Variants in CADPS observed in about 807,000 individuals in gnomAD.
CADPS encodes calcium-dependent secretion activator 1.
A neutral mutation model predicts 167.3 loss-of-function variants in CADPS; 57 were observed. That is an observed-to-expected ratio of 0.34 (90% CI 0.28 to 0.42). The LOEUF is 0.42. CADPS is among the 20% of genes least tolerant of loss of function. The pLI is 1.00. For synonymous variants in CADPS, 676 were observed against 635.3 expected, an observed-to-expected ratio of 1.06 and a Z score of -0.96; for missense variants, 1,414 against 1,738.1, an observed-to-expected ratio of 0.81 and a Z score of 3.32.
At chr3:62,618,923 T>C (rs2062750359) in intron 6 of CADPS, among the ~76,000 whole-genome samples, 1 of 152,220 alleles carries the variant, frequency 6.6e-6, no homozygotes, top group South Asian at 2.1e-4. Flanking sequence ...GCTAACAGTC[T>C]GGATTGTTGT....
chr3:62,864,890 T>C (rs955116976), intron 1 of CADPS, among the ~76,000 whole-genome samples: 1 of 152,194 alleles, frequency 6.6e-6, no homozygotes, highest in Non-Finnish European at 1.5e-5. Context: ...TCAACCAGAT[T>C]GCTAGGTTCC....
intron 8 of CADPS, among the ~76,000 whole-genome samples, chr3:62,573,495 C>T (rs2081676044): frequency 6.6e-6 from 1 of 152,144 alleles, no homozygotes; most frequent in South Asian, 2.1e-4. Context: ...GGACAAAGTC[C>T]AGCATCTTGA....
At chr3:62,766,060 G>A in intron 1 of CADPS, 76 bp from the exon 2 acceptor site, 1 of 1,033,474 alleles carries the variant, frequency 9.7e-7, no homozygotes. Context: ...TGCTGAAGAT[G>A]CCAGACCCAT....
intron 20 of CADPS, among the ~76,000 whole-genome samples, chr3:62,491,757 C>T (rs1275022623): frequency 6.6e-6 from 1 of 152,034 alleles, no homozygotes; most frequent in Non-Finnish European, 1.5e-5. Context: ...ACAACAGAAA[C>T]AACAATCCAC....
At chr3:62,535,840 A>G (rs1332226652) in intron 12 of CADPS, among the ~76,000 whole-genome samples, 1 of 152,140 alleles carries the variant, frequency 6.6e-6, no homozygotes, top group Non-Finnish European at 1.5e-5. Flanking sequence ...ATTTCAGGAA[A>G]TATTGATACT....
In CADPS at chr3:62,435,962, TATTAATTA is replaced by T. The variant is rs71901508; in HGVS notation, c.3777+2134_3777+2141del. Reference sequence around the variant, plus strand: ...ATATTTCTTTTTACTATTAATTTACTATTAATTAATTAATTAATTAATTAAAGGCTGGA... The same window carrying T: ...ATATTTCTTTTTACTATTAATTTACTATTAATTAATTAATTAAAGGCTGGA... On this transcript the variant is annotated intron_variant, in intron 28 of 29. Coordinates refer to ENST00000383710, the MANE Select transcript of CADPS (RefSeq NM_003716.4). 5.6e-4 allele frequency among the ~76,000 whole-genome samples: 85 copies of T among 151,246 alleles called. 1 individual carries two copies. The highest frequency in any genetic ancestry group is 1.9e-3 in the African/African-American group (78 of 41,158).
At chr3:62,699,154 C>A (rs1333411355) in intron 3 of CADPS, among the ~76,000 whole-genome samples, 3 of 152,000 alleles carry the variant, frequency 2.0e-5, no homozygotes, top group African/African-American at 7.3e-5. Context: ...TCCATCGTAT[C>A]ATTCTCATGC....
chr3:62,827,697 A>G (rs182453272), intron 1 of CADPS, among the ~76,000 whole-genome samples: 23 of 152,272 alleles, frequency 1.5e-4, no homozygotes, highest in African/African-American at 5.5e-4. Flanking sequence ...GAGTTGGGAG[A>G]ACCAGAAGCC....
rs1177593903 is a variant in CADPS, at chr3:62,602,787, G to A, written c.1326-10039C>T. ...TCTCCAGGAGTCTGAGATCAAATGT[G>A]TCCAAACCTCAGCTTGATCTCTTCT... On this transcript the variant is annotated intron_variant, in intron 6 of 29. Coordinates refer to ENST00000383710, the MANE Select transcript of CADPS (RefSeq NM_003716.4). The surrounding 1 kb of genome is among the most constrained non-coding windows in gnomAD (Gnocchi z 4.4). Among the ~76,000 whole-genome samples, 1 of 152,096 alleles carries A rather than the reference G, an allele frequency of 6.6e-6. No homozygotes were observed. The highest frequency in any genetic ancestry group is 1.5e-5 in the Non-Finnish European group (1 of 68,018).
rs1261664084 is a variant in CADPS at position 62,420,161 on chromosome 3, C to T, written c.3778-16976G>A. ...TACATTAAACCACACAGCTGGTTTC[C>T]AAGCAGATAGTGAAAGGACACAAAT... On this transcript the variant is annotated intron_variant, in intron 28 of 29. Coordinates refer to ENST00000383710, the MANE Select transcript of CADPS (RefSeq NM_003716.4). The surrounding 1 kb of genome is among the most constrained non-coding windows in gnomAD (Gnocchi z 4.1). 1.3e-5 allele frequency among the ~76,000 whole-genome samples: 2 copies of T among 152,074 alleles called. No individual in the cohort carries two copies. Among genetic ancestry groups the T allele is most frequent in the Admixed American group, 6.6e-5 (1 of 15,258 alleles).
At chr3:62,536,670 A>C (rs1386944668) in intron 11 of CADPS, 89 bp from the exon 12 acceptor site, 2 of 1,320,398 alleles carry the variant, frequency 1.5e-6, no homozygotes, top group Non-Finnish European at 2.2e-6. Context: ...AATTCACTAG[A>C]CATTATGAAC....
At chr3:62,688,285 G>A (rs143513140) in intron 3 of CADPS, among the ~76,000 whole-genome samples, 42 of 152,084 alleles carry the variant, frequency 2.8e-4, no homozygotes, top group African/African-American at 9.2e-4. Flanking sequence ...ATTGGCAAAT[G>A]TCCCCTAGGG....
intron 3 of CADPS, among the ~76,000 whole-genome samples, chr3:62,749,782 C>A (rs552319025): frequency 2.0e-5 from 3 of 152,168 alleles, no homozygotes; most frequent in Admixed American, 6.5e-5. Flanking sequence ...CCTGCCTATG[C>A]AGACTTCATA....
Position 62,874,388 on chromosome 3 carries a change from G to T in CADPS, c.441+201C>A, listed in dbSNP as rs1395076076. On this transcript the variant is annotated intron_variant, in intron 1 of 29. Transcript: ENST00000383710. The surrounding 1 kb of genome is among the most constrained non-coding windows in gnomAD (Gnocchi z 7.1). ...CCGCGGCCCTCGCCGGTCCCAGTCA[G>T]CTCCAGGAGCGCTCCAGGCTGGGTT... Among the ~76,000 whole-genome samples the T allele has an allele frequency of 2.0e-5, 3 of 152,142 alleles. No individual in the cohort carries two copies. The highest frequency in any genetic ancestry group is 7.2e-5 in the African/African-American group (3 of 41,466).
chr3:62,706,824 G>C (rs544296027), intron 3 of CADPS, among the ~76,000 whole-genome samples: 1 of 152,068 alleles, frequency 6.6e-6, no homozygotes, highest in Non-Finnish European at 1.5e-5. Context: ...ATATCCAAGA[G>C]TGGAATAATT....
Position 62,433,349 on chromosome 3 carries a change from G to A in CADPS, c.3777+4755C>T, listed in dbSNP as rs2054351009. Among the ~76,000 whole-genome samples, 1 of 152,068 alleles carries A rather than the reference G, an allele frequency of 6.6e-6. No individual in the cohort carries two copies. Among genetic ancestry groups the A allele is most frequent in the East Asian group, 1.9e-4 (1 of 5,182 alleles). On this transcript the variant is annotated intron_variant, in intron 28 of 29. Coordinates refer to ENST00000383710, the MANE Select transcript of CADPS (RefSeq NM_003716.4). The surrounding 1 kb of genome is among the most constrained non-coding windows in gnomAD (Gnocchi z 4.7). ...TGGAACAGCAAATTAAAATCCGTGC[G>A]AGGCAAAGAATACTGAGTAGCAGCC...
intron 3 of CADPS, among the ~76,000 whole-genome samples, chr3:62,736,660 T>A (rs1564484746): frequency 6.6e-6 from 1 of 152,254 alleles, no homozygotes; most frequent in Non-Finnish European, 1.5e-5. Flanking sequence ...ATGTTGGTTG[T>A]TTCTTTAAAA....
chr3:62,538,963 G>A (rs914399112), intron 11 of CADPS, among the ~76,000 whole-genome samples: 4 of 152,066 alleles, frequency 2.6e-5, no homozygotes, highest in South Asian at 2.1e-4. Flanking sequence ...AATTCTAGTC[G>A]AAGTCTAAAG....
At chr3:62,557,311 T>C (rs2078334180) in intron 10 of CADPS, 94 bp downstream of exon 10, 1 of 831,608 alleles carries the variant, frequency 1.2e-6, no homozygotes, top group Non-Finnish European at 2.1e-6. Flanking sequence ...ACTTAGTGCC[T>C]AGCATGGAGT....
Sources: allele counts gnomAD v4.1 joint callset (sites outside exome capture counted in the v4.1 genomes callset), GRCh38; gene constraint gnomAD v4.1.1; non-coding constraint Gnocchi (gnomAD v3.1); transcripts MANE v1.5; gene names NCBI Gene and HGNC (gene_info 2026-07-23, HGNC 2026-07-21).